KHDRBS3: variants seen among roughly 807,000 people sequenced by gnomAD.
KHDRBS3 encodes the protein KH domain-containing, RNA-binding, signal transduction-associated protein 3.
Under a neutral mutation model 45.6 loss-of-function variants are expected in KHDRBS3, and 23 were observed. The ratio of observed to expected loss-of-function variants is 0.50; its 90% CI spans 0.36 to 0.72. The LOEUF (loss-of-function observed/expected upper bound fraction) is 0.72, where lower values mean the gene tolerates loss of function less well. KHDRBS3 is among the 30% of genes least tolerant of loss of function. The probability of loss-of-function intolerance (pLI) is 0.00; values close to 1 mark genes in which losing one functional copy is unlikely to be tolerated. For missense variants in KHDRBS3, 352 were observed against 424.8 expected (o/e 0.83, Z 1.51); for synonymous variants, 162 against 156.5 (o/e 1.04, Z -0.26).
intron 8 of KHDRBS3, among the ~76,000 whole-genome samples, chr8:135,645,992 ATTTTTTTTTT>A (rs57082119): frequency 8.9e-5 from 9 of 100,686 alleles, no homozygotes; most frequent in African/African-American, 2.0e-4. Context: ...TGCACCTTGG[ATTTTTTTTTT>A]TTTTTTTTTT....
intron 7 of KHDRBS3, among the ~76,000 whole-genome samples, chr8:135,607,891 G>A (rs887561876): frequency 6.6e-6 from 1 of 152,030 alleles, no homozygotes; most frequent in Non-Finnish European, 1.5e-5. Flanking sequence ...AGGTAGATAG[G>A]GATATAAAAA....
At chr8:135,569,335 A>T (rs959517217) in intron 5 of KHDRBS3, among the ~76,000 whole-genome samples, 9 of 152,228 alleles carry the variant, frequency 5.9e-5, no homozygotes, top group African/African-American at 2.2e-4. Context: ...ACATTTCAGG[A>T]TTCAACATAC....
At chr8:135,474,258 C>T (rs1391413350) in intron 1 of KHDRBS3, among the ~76,000 whole-genome samples, 3 of 152,200 alleles carry the variant, frequency 2.0e-5, no homozygotes, top group Non-Finnish European at 4.4e-5. Context: ...CCCCAGCTCA[C>T]ATCACATTTA....
intron 7 of KHDRBS3, among the ~76,000 whole-genome samples, chr8:135,637,286 A>G (rs1052276007): frequency 6.6e-6 from 1 of 152,228 alleles, no homozygotes; most frequent in African/African-American, 2.4e-5. Context: ...TTTAAATATT[A>G]CATTTCATTT....
intron 7 of KHDRBS3, among the ~76,000 whole-genome samples, chr8:135,640,986 A>C (rs1484996237): frequency 2.6e-5 from 4 of 152,232 alleles, no homozygotes; most frequent in African/African-American, 9.6e-5. Context: ...AATGGGGCCC[A>C]GCTGCTCCCA....
At chr8:135,521,464 C>T (rs1243258865) in intron 2 of KHDRBS3, 109 bp downstream of exon 2, 5 of 602,230 alleles carry the variant, frequency 8.3e-6, no homozygotes, top group Admixed American at 6.0e-5. Context: ...TCTTAGCATC[C>T]CCCTACACAC....
chr8:135,562,018 TA>T (rs1827194136), intron 5 of KHDRBS3, among the ~76,000 whole-genome samples: 1 of 152,228 alleles, frequency 6.6e-6, no homozygotes, highest in Middle Eastern at 3.4e-3. Context: ...TTTAAAAAAT[TA>T]CAGTAAACTA....
At position 135,636,686 on chromosome 8, in the gene KHDRBS3, C is replaced by T. The variant is rs553870834; in HGVS notation, c.891-8373C>T. Among the ~76,000 whole-genome samples, 87 of 152,242 alleles carry T rather than the reference C, an allele frequency of 5.7e-4. 1 individual carries two copies. The highest frequency in any genetic ancestry group is 3.9e-3 in the Admixed American group (60 of 15,300). On this transcript the variant is annotated intron_variant, in intron 7 of 8. Coordinates refer to ENST00000355849, the MANE Select transcript of KHDRBS3 (RefSeq NM_006558.3). ...CATTTGACACCTCATGCAGCCTTCC[C>T]GTCAACTGAATCGTCCTCACATTGT... is the stretch of plus-strand genomic sequence containing the variant.
chr8:135,594,530 A>C (rs932342505), intron 6 of KHDRBS3, among the ~76,000 whole-genome samples: 5 of 152,234 alleles, frequency 3.3e-5, no homozygotes, highest in African/African-American at 7.2e-5. Context: ...AAGATGAGGT[A>C]AGTTGCCATG....
At chr8:135,619,461 T>G (rs1181961001) in intron 7 of KHDRBS3, among the ~76,000 whole-genome samples, 1 of 152,102 alleles carries the variant, frequency 6.6e-6, no homozygotes, top group South Asian at 2.1e-4. Flanking sequence ...GTAATATAAT[T>G]AAAACAGTGT....
In KHDRBS3 at chr8:135,487,110, T is replaced by A. The variant is rs1304365874; in HGVS notation, c.88+29156T>A. Among the ~76,000 whole-genome samples the A allele has an allele frequency of 3.3e-5, 5 of 152,194 alleles. No homozygotes were observed. The East Asian group carries it at 5.8e-4, about 18-fold the overall frequency. On this transcript the variant is annotated intron_variant, in intron 1 of 8. Transcript: ENST00000355849. ...AAATGTCATATATTCATTGTCTAAG[T>A]ATATTTGTTATTTGACACCATTTGT...
chr8:135,575,593 A>C (rs542006010), intron 5 of KHDRBS3, among the ~76,000 whole-genome samples: 3 of 152,320 alleles, frequency 2.0e-5, no homozygotes, highest in East Asian at 3.9e-4. Flanking sequence ...TTAATATCTT[A>C]TTGGCCAGAA....
chr8:135,535,177 A>C (rs1200914053), intron 2 of KHDRBS3, among the ~76,000 whole-genome samples: 1 of 151,242 alleles, frequency 6.6e-6, no homozygotes, highest in Non-Finnish European at 1.5e-5. Context: ...TTGTGTGAAA[A>C]TCATATAGTT....
chr8:135,578,592 C>A (rs539344049), intron 5 of KHDRBS3, among the ~76,000 whole-genome samples: 1 of 152,166 alleles, frequency 6.6e-6, no homozygotes, highest in East Asian at 1.9e-4. Flanking sequence ...TCTTTTCTTT[C>A]GCAAATACCG....
At chr8:135,489,947 G>GT (rs200319247) in intron 1 of KHDRBS3, among the ~76,000 whole-genome samples, 1,665 of 152,074 alleles carry the variant, frequency 0.011, 21 homozygotes, top group Non-Finnish European at 0.014. Flanking sequence ...CAGGTGTTCT[G>GT]TTTTTTATCT....
At chr8:135,648,298 G>T (rs949418191), downstream of KHDRBS3, among the ~76,000 whole-genome samples, 2 of 152,046 alleles carry the variant, frequency 1.3e-5, no homozygotes, top group African/African-American at 2.4e-5. Context: ...CCTTAGTTTA[G>T]TCAGTTTAAT....
intron 7 of KHDRBS3, chr8:135,625,245 T>G: frequency 7.2e-7 from 1 of 1,384,128 alleles, no homozygotes; most frequent in Non-Finnish European, 1.0e-6. Flanking sequence ...AGCCTTCATC[T>G]GTGGCATACA....
At chr8:135,502,241 C>A (rs1001324196) in intron 1 of KHDRBS3, among the ~76,000 whole-genome samples, 2 of 152,134 alleles carry the variant, frequency 1.3e-5, no homozygotes, top group African/African-American at 4.8e-5. Flanking sequence ...CTTAGCATAG[C>A]GTTAAAAGTC....
chr8:135,525,543 T>A (rs1825138267), intron 2 of KHDRBS3, among the ~76,000 whole-genome samples: 2 of 152,202 alleles, frequency 1.3e-5, no homozygotes, highest in African/African-American at 4.8e-5. Flanking sequence ...CAGTTAACTT[T>A]TATATTTTGC....
Sources: allele counts gnomAD v4.1 joint callset (sites outside exome capture counted in the v4.1 genomes callset), GRCh38; gene constraint gnomAD v4.1.1; transcripts MANE v1.5; gene names NCBI Gene and HGNC (gene_info 2026-07-23, HGNC 2026-07-21).